HMGB1: variants seen among roughly 807,000 people sequenced by gnomAD.
The protein encoded by HMGB1 is high mobility group box 1.
For synonymous variants in HMGB1, 81 were observed against 84.0 expected (o/e 0.96, Z 0.19); for missense variants, 79 against 253.5 (o/e 0.31, Z 4.67).
intron 1 of HMGB1, among the ~76,000 whole-genome samples, chr13:30,598,204 C>T (rs568139289): frequency 6.6e-6 from 1 of 152,350 alleles, no homozygotes; most frequent in East Asian, 1.9e-4. Flanking sequence ...TGCTGTTTGT[C>T]ATCTCACAAA....
intron 1 of HMGB1, among the ~76,000 whole-genome samples, chr13:30,502,860 G>C (rs1887765547): frequency 6.6e-6 from 1 of 151,968 alleles, no homozygotes; most frequent in Non-Finnish European, 1.5e-5. Context: ...ATTTTTAATA[G>C]AGATGGGGTT....
intron 1 of HMGB1, among the ~76,000 whole-genome samples, chr13:30,533,537 G>A (rs181553471): frequency 4.0e-5 from 6 of 151,766 alleles, no homozygotes; most frequent in Admixed American, 3.9e-4. Context: ...GCTAACTTTT[G>A]TATTTTTAGT....
chr13:30,565,532 C>A (rs1047340903), intron 1 of HMGB1, among the ~76,000 whole-genome samples: 1 of 152,182 alleles, frequency 6.6e-6, no homozygotes, highest in Non-Finnish European at 1.5e-5. Context: ...CATAATACTG[C>A]CTGAAATCCT....
chr13:30,581,276 A>G (rs1870891106), intron 1 of HMGB1, among the ~76,000 whole-genome samples: 1 of 152,218 alleles, frequency 6.6e-6, no homozygotes, highest in South Asian at 2.1e-4. Flanking sequence ...GGCCCTTCTT[A>G]TCATATTCCA....
intron 1 of HMGB1, among the ~76,000 whole-genome samples, chr13:30,524,354 A>G (rs1465900075): frequency 1.3e-3 from 13 of 9,868 alleles, no homozygotes; most frequent in South Asian, 4.1e-3. Context: ...AAAAAAAAAA[A>G]AAAGAAAAAA....
chr13:30,478,191 G>A (rs1352483762), intron 1 of HMGB1, among the ~76,000 whole-genome samples: 1 of 152,150 alleles, frequency 6.6e-6, no homozygotes, highest in Non-Finnish European at 1.5e-5. Flanking sequence ...GTAAAAAGTG[G>A]CCAGGCATGG....
At chr13:30,571,540 C>T (rs150587363) in intron 1 of HMGB1, among the ~76,000 whole-genome samples, 180 of 152,140 alleles carry the variant, frequency 1.2e-3, no homozygotes, top group African/African-American at 4.0e-3. Flanking sequence ...GTGATCTGCC[C>T]GCCTTAGCCT....
chr13:30,527,788 C>T (rs1473540146), intron 1 of HMGB1, among the ~76,000 whole-genome samples: 1 of 152,126 alleles, frequency 6.6e-6, no homozygotes, highest in Admixed American at 6.5e-5. Flanking sequence ...TTAAAAATAA[C>T]CTTCCCAAGG....
chr13:30,506,125 G>A (rs1206254039), intron 1 of HMGB1, among the ~76,000 whole-genome samples: 3 of 152,286 alleles, frequency 2.0e-5, no homozygotes, highest in Admixed American at 6.5e-5. Context: ...GGATCGGATC[G>A]GGGGAGGTGC....
At chr13:30,476,656 G>A (rs1202147043) in intron 1 of HMGB1, among the ~76,000 whole-genome samples, 1 of 151,918 alleles carries the variant, frequency 6.6e-6, no homozygotes, top group African/African-American at 2.4e-5. Context: ...TTGAGCCCAG[G>A]AGTTCAAGAC....
intron 1 of HMGB1, among the ~76,000 whole-genome samples, chr13:30,525,399 A>G (rs1260147150): frequency 6.6e-6 from 1 of 152,184 alleles, no homozygotes; most frequent in African/African-American, 2.4e-5. Context: ...GTGACATCAG[A>G]TGTGAACCAC....
intron 1 of HMGB1, among the ~76,000 whole-genome samples, chr13:30,544,879 G>T (rs1869075126): frequency 6.6e-6 from 1 of 152,182 alleles, no homozygotes; most frequent in African/African-American, 2.4e-5. Flanking sequence ...CCCAATCCAG[G>T]ACAGGCAGAG....
intron 1 of HMGB1, among the ~76,000 whole-genome samples, chr13:30,520,243 A>C (rs1888206392): frequency 1.3e-5 from 2 of 152,106 alleles, no homozygotes. Context: ...AATCACTTGA[A>C]CCTGGGAGGT....
intron 1 of HMGB1, among the ~76,000 whole-genome samples, chr13:30,519,116 G>C (rs1888166728): frequency 6.6e-6 from 1 of 152,036 alleles, no homozygotes; most frequent in Admixed American, 6.6e-5. Flanking sequence ...TTTCAGGCTG[G>C]ATGCGGTGGC....
intron 1 of HMGB1, among the ~76,000 whole-genome samples, chr13:30,486,770 T>A (rs1887373580): frequency 2.0e-5 from 3 of 152,042 alleles, no homozygotes; most frequent in Admixed American, 2.0e-4. Context: ...TGCTGGGAAA[T>A]GCTCTATCTC....
At chr13:30,501,537 C>A (rs1291573261) in intron 1 of HMGB1, among the ~76,000 whole-genome samples, 2 of 150,388 alleles carry the variant, frequency 1.3e-5, no homozygotes, top group Non-Finnish European at 3.0e-5. Flanking sequence ...AGATTAAAAT[C>A]AATATATTAT....
intron 1 of HMGB1, among the ~76,000 whole-genome samples, chr13:30,565,004 C>T (rs17074747): frequency 0.053 from 8,100 of 152,240 alleles, 716 homozygotes; most frequent in African/African-American, 0.18. Flanking sequence ...AGTACATAGT[C>T]CTGGCTGGGC....
At chr13:30,607,291 A>G (rs534730096) in intron 1 of HMGB1, among the ~76,000 whole-genome samples, 1 of 152,320 alleles carries the variant, frequency 6.6e-6, no homozygotes, top group South Asian at 2.1e-4. Context: ...GTCTCCACCC[A>G]AATCTCATCT....
chr13:30,489,573 T>C (rs1269540067), intron 1 of HMGB1, among the ~76,000 whole-genome samples: 1 of 152,182 alleles, frequency 6.6e-6, no homozygotes, highest in African/African-American at 2.4e-5. Flanking sequence ...ATAGCACGTG[T>C]AGCTCTCACT....
Sources: gnomAD v4.1 joint callset for allele counts (sites outside exome capture counted in the v4.1 genomes callset) on GRCh38, gnomAD v4.1.1 for gene constraint, MANE v1.5 for transcripts, NCBI Gene and HGNC (gene_info 2026-07-23, HGNC 2026-07-21) for gene names.